The following NT5E variants were observed in gnomAD, a reference collection of about 807,000 sequenced individuals.
NT5E encodes the protein 5'-nucleotidase.
Under a neutral mutation model 55.1 loss-of-function variants are expected in NT5E, and 53 were observed. That is an observed-to-expected ratio of 0.96 (90% CI 0.77 to 1.21). The LOEUF (loss-of-function observed/expected upper bound fraction) is 1.21, where lower values mean the gene tolerates loss of function less well. Ranked by LOEUF, NT5E falls within the 50% of genes most tolerant of loss-of-function variation. The pLI, the probability that NT5E is intolerant of heterozygous loss-of-function variation, is 0.00. For missense variants in NT5E, 683 were observed against 724.3 expected (o/e 0.94, Z 0.65); for synonymous variants, 270 against 278.4 (o/e 0.97, Z 0.30).
intron 3 of NT5E, among the ~76,000 whole-genome samples, chr6:85,473,124 G>A (rs906770243): frequency 1.3e-5 from 2 of 152,148 alleles, no homozygotes; most frequent in Non-Finnish European, 2.9e-5. Context: ...AACTCCATGA[G>A]GGTTAAATGA....
At chr6:85,490,760 T>C (rs1349022061) in intron 7 of NT5E, 103 bp downstream of exon 7, 1 of 1,373,174 alleles carries the variant, frequency 7.3e-7, no homozygotes, top group African/African-American at 1.4e-5. Context: ...GTCAAACTGG[T>C]TTGGATTTTT....
chr6:85,459,075 G>A (rs1769043746), intron 1 of NT5E, among the ~76,000 whole-genome samples: 2 of 152,198 alleles, frequency 1.3e-5, no homozygotes, highest in Admixed American at 1.3e-4. Context: ...CCTGGATGAT[G>A]TTGAGTGATT....
At chr6:85,474,162 C>T (rs1038995224) in intron 3 of NT5E, among the ~76,000 whole-genome samples, 1 of 152,120 alleles carries the variant, frequency 6.6e-6, no homozygotes, top group African/African-American at 2.4e-5. Context: ...TTGCATATGA[C>T]CTGTGCACAT....
At chr6:85,454,095 G>GT (rs1279739430) in intron 1 of NT5E, among the ~76,000 whole-genome samples, 2 of 152,068 alleles carry the variant, frequency 1.3e-5, no homozygotes, top group Non-Finnish European at 1.5e-5. Context: ...CCATCTCCAC[G>GT]TATTTTACCC....
intron 4 of NT5E, among the ~76,000 whole-genome samples, chr6:85,486,200 G>T (rs1192874985): frequency 1.3e-5 from 2 of 152,202 alleles, no homozygotes; most frequent in African/African-American, 4.8e-5. Flanking sequence ...GTATGTAGAA[G>T]TACAGTATGA....
At chr6:85,452,741 A>T (rs1407689835) in intron 1 of NT5E, among the ~76,000 whole-genome samples, 1 of 152,206 alleles carries the variant, frequency 6.6e-6, no homozygotes, top group African/African-American at 2.4e-5. Flanking sequence ...TATTGCACAG[A>T]TGTTTCACTG....
At chr6:85,467,751 A>G (rs1211507965) in intron 2 of NT5E, among the ~76,000 whole-genome samples, 1 of 152,090 alleles carries the variant, frequency 6.6e-6, no homozygotes, top group South Asian at 2.1e-4. Context: ...CGTTTTAATG[A>G]CATTCTTGTA....
chr6:85,453,127 G>A (rs1375637464), intron 1 of NT5E, among the ~76,000 whole-genome samples: 4 of 152,136 alleles, frequency 2.6e-5, no homozygotes, highest in Non-Finnish European at 5.9e-5. Context: ...AGAAAACTGG[G>A]AAGAGGATGG....
intron 1 of NT5E, among the ~76,000 whole-genome samples, chr6:85,453,938 A>G (rs894991827): frequency 3.3e-5 from 5 of 152,108 alleles, no homozygotes; most frequent in Non-Finnish European, 7.4e-5. Flanking sequence ...GTGTGCTTAT[A>G]TTTTATAATG....
intron 3 of NT5E, among the ~76,000 whole-genome samples, chr6:85,480,040 C>T (rs1005905730): frequency 7.2e-5 from 11 of 152,152 alleles, no homozygotes; most frequent in Non-Finnish European, 1.5e-4. Context: ...AGATGACGCA[C>T]CAGACCATGG....
chr6:85,477,947 A>G (rs989166666), intron 3 of NT5E, among the ~76,000 whole-genome samples: 3 of 151,242 alleles, frequency 2.0e-5, no homozygotes, highest in Non-Finnish European at 4.4e-5. Flanking sequence ...GCATCACTTG[A>G]GCCCAGGAGT....
Position 85,489,624 on chromosome 6 carries a change from A to G in NT5E, c.1210+25A>G, listed in dbSNP as rs766549574. ...GGTATGCTCCCAGGCCCAGCTCCTC[A>G]GTGTGTCATGTTCTCTCTCTGATCT... On this transcript the variant is annotated intron_variant, in intron 6 of 8. Coordinates refer to ENST00000257770, the MANE Select transcript of NT5E (RefSeq NM_002526.4). 5 of 1,511,012 alleles carry G rather than the reference A, an allele frequency of 3.3e-6. No homozygotes were observed. In the East Asian group the frequency reaches 1.1e-4, roughly 34 times the overall value. 93.6% of individuals were successfully genotyped at this position (1,511,012 alleles called of 1,614,324 possible).
chr6:85,480,283 T>C (rs940234754), intron 3 of NT5E, among the ~76,000 whole-genome samples: 2 of 152,232 alleles, frequency 1.3e-5, no homozygotes, highest in Admixed American at 1.3e-4. Context: ...TTAGACTTCC[T>C]GGGTCATCAC....
At position 85,492,049 on chromosome 6, in the gene NT5E, AG is replaced by A; in HGVS notation, c.1434del (p.Lys478AsnfsTer18). On this transcript the variant is annotated frameshift_variant, in exon 8 of 9. Coordinates refer to ENST00000257770, the MANE Select transcript of NT5E (RefSeq NM_002526.4). LOFTEE classifies it high-confidence loss of function. ...GTCAAATTAGATGTTCTTTGCACCA[AG>A]TGTCGAGTGCCCAGTTATGACCCTC... ...RVVKLDVLCTKCRVPSYDPLK... is the reference protein window; with the variant it reads ...RVVKLDVLCTXCRVPSYDPLK... The A allele has an allele frequency of 1.2e-6, 2 of 1,614,212 alleles. No homozygotes were observed. The highest frequency in any genetic ancestry group is 1.7e-6 in the Non-Finnish European group (2 of 1,180,032).
Position 85,490,999 on chromosome 6 carries a change from T to G in NT5E, c.1360+342T>G, listed in dbSNP as rs77947228. 765 of 509,688 alleles carry G rather than the reference T, an allele frequency of 1.5e-3. 5 individuals carry two copies. Among genetic ancestry groups the G allele is most frequent in the African/African-American group, 0.014 (694 of 51,028 alleles). 31.6% of individuals were successfully genotyped at this position (509,688 alleles called of 1,614,324 possible). On this transcript the variant is annotated intron_variant, in intron 7 of 8. Transcript: ENST00000257770. Reference sequence around the variant, plus strand: ...ATTATTTTTTTTTTAAATCCTCTCCTCTGTTCTACTCATCGTTGCCTGGAA... The same window carrying G: ...ATTATTTTTTTTTTAAATCCTCTCCGCTGTTCTACTCATCGTTGCCTGGAA...
Position 85,495,676 on chromosome 6 carries a change from C to G in NT5E, c.*1672C>G, listed in dbSNP as rs1023246784. ...AATCCTATTAGAATTTTTTAAAGAA[C>G]TTTTTTTAAGTTTCCTAAATCTGTG... On this transcript the variant is annotated 3_prime_UTR_variant, in exon 9 of 9. Transcript: ENST00000257770. 6.6e-6 allele frequency: 1 copy of G among 152,106 alleles called. No homozygotes were observed. The highest frequency in any genetic ancestry group is 1.9e-4 in the East Asian group (1 of 5,194). The allele number at this position is 152,106 out of a possible 1,614,324, so 9.4% of individuals were successfully genotyped here.
chr6:85,489,404 A>C lies in NT5E; in HGVS notation c.1105-90A>C, dbSNP rs1769736365. 5.7e-6 allele frequency: 5 copies of C among 884,080 alleles called. No homozygotes were observed. The African/African-American group carries it at 6.7e-5, about 12-fold the overall frequency. The allele number at this position is 884,080 out of a possible 1,614,324, so 54.8% of individuals were successfully genotyped here. On this transcript the variant is annotated intron_variant, in intron 5 of 8. Transcript: ENST00000257770. ...ACAGCAGCAGGTGAAAAGCAGCTTT[A>C]TTTCCTCACTAGAGCTAACCAGATT...
chr6:85,459,568 A>G (rs569379606), intron 1 of NT5E, among the ~76,000 whole-genome samples: 2 of 152,136 alleles, frequency 1.3e-5, no homozygotes, highest in Non-Finnish European at 2.9e-5. Flanking sequence ...TCATCCCTCT[A>G]GTTTCCATTT....
intron 1 of NT5E, among the ~76,000 whole-genome samples, chr6:85,453,627 G>T (rs1010830322): frequency 1.3e-5 from 2 of 152,264 alleles, no homozygotes; most frequent in Non-Finnish European, 2.9e-5. Context: ...CTTTGAGCAG[G>T]TCTCTAGGGT....
Sources: gnomAD v4.1 joint callset for allele counts (sites outside exome capture counted in the v4.1 genomes callset) on GRCh38, gnomAD v4.1.1 for gene constraint, MANE v1.5 for transcripts, NCBI Gene and HGNC (gene_info 2026-07-23, HGNC 2026-07-21) for gene names.